Variants in ZNF385B observed in about 807,000 individuals in gnomAD.
The protein encoded by ZNF385B is zinc finger protein 385B, also known as zinc finger protein 533.
In ZNF385B, 23 loss-of-function variants were observed where a neutral mutation model predicts 39.2. That is an observed-to-expected ratio of 0.59 (90% CI 0.42 to 0.83). The LOEUF is 0.83. ZNF385B is among the 40% of genes least tolerant of loss of function. ZNF385B has a pLI of 0.00. For synonymous variants in ZNF385B, 205 were observed against 222.6 expected, an observed-to-expected ratio of 0.92 and a Z score of 0.70; for missense variants, 552 against 598.9, an observed-to-expected ratio of 0.92 and a Z score of 0.82.
At chr2:179,772,529 G>T (rs1704071161) in intron 1 of ZNF385B, among the ~76,000 whole-genome samples, 1 of 152,208 alleles carries the variant, frequency 6.6e-6, no homozygotes, top group South Asian at 2.1e-4. Context: ...ATATTTAGCT[G>T]CAGAGGTCTT....
In ZNF385B at chr2:179,714,942, C is replaced by CAAAAAAAAAAAAAAAAAA. The variant is rs34449760; in HGVS notation, c.298+54543_298+54560dup. ...TGGGTAACAAAGCGAGATTCTATCT[C>CAAAAAAAAAAAAAAAAAA]AAAAAAAAAAAAAAAAAAACAGTTT... On this transcript the variant is annotated intron_variant, in intron 3 of 9. Coordinates refer to ENST00000410066, the MANE Select transcript of ZNF385B (RefSeq NM_152520.6). Among the ~76,000 whole-genome samples, 13 of 79,226 alleles carry CAAAAAAAAAAAAAAAAAA rather than the reference C, an allele frequency of 1.6e-4. 1 individual carries two copies. The highest frequency in any genetic ancestry group is 1.6e-3 in the East Asian group (2 of 1,252). 52.0% of individuals were successfully genotyped at this position (79,226 alleles called of 152,430 possible). A position where few individuals can be genotyped will look rare whatever the true frequency, so the allele number is the denominator to read the frequency against.
intron 3 of ZNF385B, among the ~76,000 whole-genome samples, chr2:179,696,325 A>ATTTTTTTTTTTTTT (rs1333224792): frequency 5.8e-3 from 57 of 9,798 alleles, no homozygotes; most frequent in South Asian, 0.015. Context: ...ACAAACTGGG[A>ATTTTTTTTTTTTTT]CTTTTTTTTT....
chr2:179,820,707 AT>A (rs1707349585), intron 1 of ZNF385B, among the ~76,000 whole-genome samples: 1 of 151,948 alleles, frequency 6.6e-6, no homozygotes, highest in Admixed American at 6.6e-5. Flanking sequence ...TTCTTTGATT[AT>A]TTTCTTAAAA....
chr2:179,712,529 G>A (rs951917889), intron 3 of ZNF385B, among the ~76,000 whole-genome samples: 1 of 152,044 alleles, frequency 6.6e-6, no homozygotes, highest in African/African-American at 2.4e-5. Flanking sequence ...TGTTGCTTTT[G>A]TTTCTCTAAT....
chr2:179,621,625 C>T (rs1180696122), intron 3 of ZNF385B, among the ~76,000 whole-genome samples: 1 of 152,178 alleles, frequency 6.6e-6, no homozygotes, highest in Non-Finnish European at 1.5e-5. Flanking sequence ...CCTGTAAGTT[C>T]CCTTTCTCCC....
intron 3 of ZNF385B, among the ~76,000 whole-genome samples, chr2:179,706,921 T>G (rs548489276): frequency 3.6e-4 from 55 of 152,218 alleles, no homozygotes; most frequent in African/African-American, 1.3e-3. Flanking sequence ...GTAGCCTGTT[T>G]GAAGGGTTGC....
intron 3 of ZNF385B, among the ~76,000 whole-genome samples, chr2:179,558,308 T>A (rs1288044006): frequency 6.6e-6 from 1 of 152,236 alleles, no homozygotes. Flanking sequence ...GCACAAAATG[T>A]TTTTTCTCCT....
chr2:179,599,893 C>G (rs1574946946), intron 3 of ZNF385B, among the ~76,000 whole-genome samples: 1 of 152,170 alleles, frequency 6.6e-6, no homozygotes, highest in East Asian at 1.9e-4. Flanking sequence ...GGCGTAAACA[C>G]CCTTCCCCCA....
chr2:179,619,222 G>A (rs1171440574), intron 3 of ZNF385B, among the ~76,000 whole-genome samples: 2 of 152,118 alleles, frequency 1.3e-5, no homozygotes, highest in South Asian at 2.1e-4. Flanking sequence ...TTGCATTGCT[G>A]TGAATACTGA....
intron 5 of ZNF385B, 35 bp downstream of exon 5, chr2:179,518,493 C>A (rs911282788): frequency 1.4e-6 from 2 of 1,452,140 alleles, no homozygotes; most frequent in East Asian, 2.4e-5. Context: ...TTAGCTCTGA[C>A]AAACTACAGA....
At chr2:179,458,562 T>C (rs2138879) in intron 6 of ZNF385B, among the ~76,000 whole-genome samples, 107,319 of 152,062 alleles carry the variant, frequency 0.71, 38,409 homozygotes, top group East Asian at 0.94. Flanking sequence ...CTAGAGTATG[T>C]CATCCTTGTA....
chr2:179,840,449 AT>A (rs1173135506), intron 1 of ZNF385B, among the ~76,000 whole-genome samples: 2 of 152,178 alleles, frequency 1.3e-5, no homozygotes, highest in Non-Finnish European at 2.9e-5. Flanking sequence ...GTTTGGAAAG[AT>A]TTTTTTGTTG....
intron 3 of ZNF385B, among the ~76,000 whole-genome samples, chr2:179,547,442 A>G (rs1358088726): frequency 6.7e-6 from 1 of 149,494 alleles, no homozygotes; most frequent in Non-Finnish European, 1.5e-5. Flanking sequence ...ATGGATATTC[A>G]GTTTTCCCAG....
intron 3 of ZNF385B, among the ~76,000 whole-genome samples, chr2:179,719,483 G>A (rs867351414): frequency 1.3e-5 from 2 of 152,156 alleles, no homozygotes; most frequent in African/African-American, 4.8e-5. Context: ...AACGGCAGAC[G>A]AAGGACAAGG....
chr2:179,722,768 T>C (rs1700774055), intron 3 of ZNF385B, among the ~76,000 whole-genome samples: 1 of 152,004 alleles, frequency 6.6e-6, no homozygotes, highest in African/African-American at 2.4e-5. Flanking sequence ...TCACCAAAAA[T>C]AATAAAAACC....
intron 1 of ZNF385B, among the ~76,000 whole-genome samples, chr2:179,855,815 G>A (rs1684548661): frequency 6.6e-6 from 1 of 152,044 alleles, no homozygotes; most frequent in Non-Finnish European, 1.5e-5. Flanking sequence ...AGTGTGCACA[G>A]TACTCTACTG....
intron 1 of ZNF385B, among the ~76,000 whole-genome samples, chr2:179,812,071 A>G (rs1374613292): frequency 6.6e-6 from 1 of 152,166 alleles, no homozygotes; most frequent in Non-Finnish European, 1.5e-5. Context: ...GAGAAATGCA[A>G]ATTAAAACCA....
intron 3 of ZNF385B, among the ~76,000 whole-genome samples, chr2:179,739,928 C>G (rs1701989619): frequency 6.6e-6 from 1 of 152,044 alleles, no homozygotes; most frequent in African/African-American, 2.4e-5. Flanking sequence ...TTAAATTACA[C>G]AAAATCCAAA....
intron 5 of ZNF385B, among the ~76,000 whole-genome samples, chr2:179,501,243 T>C (rs1050912016): frequency 6.6e-6 from 1 of 152,194 alleles, no homozygotes; most frequent in Non-Finnish European, 1.5e-5. Context: ...GCTGGGTATA[T>C]ACCCAAAAGG....
Sources: gnomAD v4.1 joint callset for allele counts (sites outside exome capture counted in the v4.1 genomes callset) on GRCh38, gnomAD v4.1.1 for gene constraint, MANE v1.5 for transcripts, NCBI Gene and HGNC (gene_info 2026-07-23, HGNC 2026-07-21) for gene names.